Variants in PDZD2 observed in about 807,000 individuals in gnomAD.
PDZD2 encodes the protein PDZ domain-containing protein 2.
Under a neutral mutation model 220.7 loss-of-function variants are expected in PDZD2, and 90 were observed. The observed-to-expected ratio is 0.41, with a 90% CI of 0.34 to 0.49. The LOEUF (loss-of-function observed/expected upper bound fraction) is 0.49. PDZD2 is among the 20% of genes least tolerant of loss of function. The pLI is 0.28. For missense variants in PDZD2, 3,174 were observed against 3,608.5 expected (o/e 0.88, Z 3.08); for synonymous variants, 1,375 against 1,450.5 (o/e 0.95, Z 1.18).
chr5:31,705,689 T>C (rs1747791058), intron 1 of PDZD2, among the ~76,000 whole-genome samples: 1 of 152,164 alleles, frequency 6.6e-6, no homozygotes, highest in Non-Finnish European at 1.5e-5. Context: ...ATAAATATTT[T>C]AGAAATGGAA....
chr5:31,970,866 CA>C (rs1353300458), intron 2 of PDZD2, among the ~76,000 whole-genome samples: 2 of 152,154 alleles, frequency 1.3e-5, no homozygotes, highest in Non-Finnish European at 2.9e-5. Flanking sequence ...ACTTCACCAT[CA>C]ACATGCTGAC....
intron 6 of PDZD2, among the ~76,000 whole-genome samples, chr5:32,022,458 C>G (rs1484975836): frequency 1.3e-5 from 2 of 151,706 alleles, no homozygotes; most frequent in East Asian, 3.9e-4. Context: ...CTGCCTGCCT[C>G]GGCCTCCCAA....
chr5:31,856,869 G>C (rs924640525), intron 2 of PDZD2, among the ~76,000 whole-genome samples: 1 of 150,618 alleles, frequency 6.6e-6, no homozygotes, highest in African/African-American at 2.4e-5. Flanking sequence ...TTTCATTCCG[G>C]AATCAGACTT....
At chr5:31,982,243 G>A (rs1470394188) in intron 2 of PDZD2, among the ~76,000 whole-genome samples, 2 of 152,242 alleles carry the variant, frequency 1.3e-5, no homozygotes, top group African/African-American at 4.8e-5. Flanking sequence ...CAAGGCGTGA[G>A]CCTGATCCTC....
intron 1 of PDZD2, among the ~76,000 whole-genome samples, chr5:31,735,808 G>A (rs1749825532): frequency 6.6e-6 from 1 of 152,268 alleles, no homozygotes; most frequent in East Asian, 1.9e-4. Flanking sequence ...AGCTGGGCAC[G>A]GTAGCATGCG....
chr5:31,863,433 C>A (rs868316393), intron 2 of PDZD2, among the ~76,000 whole-genome samples: 12 of 152,164 alleles, frequency 7.9e-5, no homozygotes, highest in African/African-American at 2.9e-4. Context: ...GCGTGGTTTT[C>A]CAGGTGGTTT....
At chr5:31,858,905 G>A (rs1435203647) in intron 2 of PDZD2, among the ~76,000 whole-genome samples, 1 of 152,034 alleles carries the variant, frequency 6.6e-6, no homozygotes, top group African/African-American at 2.4e-5. Context: ...CTTTAGTAGA[G>A]TCGGGGTTTC....
At chr5:31,835,887 G>A (rs980367645) in intron 2 of PDZD2, among the ~76,000 whole-genome samples, 9 of 152,240 alleles carry the variant, frequency 5.9e-5, no homozygotes, top group Admixed American at 2.0e-4. Flanking sequence ...GAAAATGCAC[G>A]TCTTGGGTTT....
chr5:32,071,329 A>G (rs1056904568), intron 15 of PDZD2, 55 bp from the exon 16 acceptor site: 33 of 1,267,522 alleles, frequency 2.6e-5, no homozygotes, highest in Middle Eastern at 1.8e-4. Flanking sequence ...ATGTGAGCCT[A>G]TTTGTGACTT....
intron 2 of PDZD2, among the ~76,000 whole-genome samples, chr5:31,888,094 C>T (rs906428916): frequency 6.6e-6 from 1 of 152,108 alleles, no homozygotes; most frequent in African/African-American, 2.4e-5. Context: ...AGATATTGCC[C>T]ATAGAAGCTT....
In PDZD2 at chr5:32,090,962, C is replaced by T. The variant is rs202037375; in HGVS notation, c.7514C>T (p.Pro2505Leu). 9.4e-5 allele frequency: 152 copies of T among 1,613,848 alleles called. 1 individual carries two copies. The highest frequency in any genetic ancestry group is 1.1e-4 in the Non-Finnish European group (131 of 1,179,924). Residue 2505 changes from proline (P) to leucine (L), a missense_variant, in exon 20 of 25, where the codon CCG (proline) becomes CTG (leucine). By Grantham distance (98) the Pro-to-Leu change is moderately conservative. This residue lies in a region of PDZD2 where 631 missense variants were observed against 789.9 expected (regional missense o/e 0.80). Coordinates refer to ENST00000438447, the MANE Select transcript of PDZD2 (RefSeq NM_178140.4). This position sits in a 1 kb window ranked among gnomAD's most constrained non-coding sequence, Gnocchi z 4.3. ...KLCSEDYSAG[P>L]SAVLFKTELE... Reference sequence around the variant, plus strand: ...TGCAGCGAGGATTACTCAGCAGGGCCGAGCGCCGTGCTCTTCAAAACTGAG... The same window carrying T: ...TGCAGCGAGGATTACTCAGCAGGGCTGAGCGCCGTGCTCTTCAAAACTGAG...
Position 31,908,801 on chromosome 5 carries a change from T to C in PDZD2, c.477-74354T>C. On this transcript the variant is annotated intron_variant, in intron 2 of 24. Transcript: ENST00000438447. ...GGCTCACGCCTATAATCCCAGCACT[T>C]TGGGAGGCTGAGGCGGGAGGATCAC... 4.3e-6 allele frequency: 3 copies of C among 689,854 alleles called. No individual in the cohort carries two copies. The African/African-American group carries it at 5.4e-5, about 12-fold the overall frequency. The allele number at this position is 689,854 out of a possible 1,614,324, so 42.7% of individuals were successfully genotyped here.
At chr5:32,091,409 T>C (rs757196483) in intron 20 of PDZD2, among the ~76,000 whole-genome samples, 5 of 150,838 alleles carry the variant, frequency 3.3e-5, no homozygotes, top group African/African-American at 4.9e-5. Context: ...CTCAGCCTCC[T>C]GAGTAGCTGG....
intron 1 of PDZD2, among the ~76,000 whole-genome samples, chr5:31,728,037 C>T (rs1244327864): frequency 6.6e-6 from 1 of 151,240 alleles, no homozygotes; most frequent in Non-Finnish European, 1.5e-5. Context: ...GGCAGAAGAC[C>T]GTCGCTGACC....
chr5:32,110,704 C>G lies in PDZD2; in HGVS notation c.*2569C>G, dbSNP rs182341696. The G allele has an allele frequency of 3.3e-5, 5 of 152,708 alleles. No individual in the cohort carries two copies. The East Asian group carries it at 9.6e-4, about 29-fold the overall frequency. The allele number at this position is 152,708 out of a possible 1,614,324, so 9.5% of individuals were successfully genotyped here. A position where few individuals can be genotyped will look rare whatever the true frequency, so the allele number is the denominator to read the frequency against. Reference sequence around the variant, plus strand: ...TTCATTTCCATCTTCCCACACATCTCATTGAATTTGATGGTTGACTTAATT... The same window carrying G: ...TTCATTTCCATCTTCCCACACATCTGATTGAATTTGATGGTTGACTTAATT... On this transcript the variant is annotated 3_prime_UTR_variant, in exon 25 of 25. Transcript: ENST00000438447.
intron 1 of PDZD2, among the ~76,000 whole-genome samples, chr5:31,693,240 C>T (rs1432174653): frequency 1.1e-5 from 1 of 87,756 alleles, no homozygotes; most frequent in Non-Finnish European, 2.0e-5. Context: ...TGGGAAAGCA[C>T]TTTTTTTTTT....
chr5:31,776,397 T>G (rs1273766386), intron 1 of PDZD2, among the ~76,000 whole-genome samples: 1 of 152,200 alleles, frequency 6.6e-6, no homozygotes, highest in Non-Finnish European at 1.5e-5. Context: ...TCTCACTCAG[T>G]GCACAGACAT....
At position 32,088,590 on chromosome 5, in the gene PDZD2, A is replaced by G. The variant is rs1308998123; in HGVS notation, c.5142A>G (p.Val1714=). ...TGGAAAACAGTCCGCTGTCTAAAGT[A>G]GCCAGGCATTTTCACAGTCCGCCCA... ...SAMENSPLSK[V]ARHFHSPPII... is the part of the protein sequence containing the mutation. The change falls in exon 20 of 25, where the codon GTA becomes GTG. Residue 1714 remains valine, a synonymous_variant. Transcript: ENST00000438447. This position sits in a 1 kb window ranked among gnomAD's most constrained non-coding sequence, Gnocchi z 4.6. The G allele has an allele frequency of 6.2e-7, 1 of 1,614,200 alleles. No individual in the cohort carries two copies. The highest frequency in any genetic ancestry group is 1.1e-5 in the South Asian group (1 of 91,086).
At chr5:32,012,693 A>G (rs1753422279) in intron 6 of PDZD2, among the ~76,000 whole-genome samples, 1 of 151,892 alleles carries the variant, frequency 6.6e-6, no homozygotes, top group Non-Finnish European at 1.5e-5. Flanking sequence ...TGGCCCAAAA[A>G]AATTTCTTCA....
Sources: allele counts gnomAD v4.1 joint callset (sites outside exome capture counted in the v4.1 genomes callset), GRCh38; gene constraint gnomAD v4.1.1; regional missense constraint gnomAD v4.1.1; non-coding constraint Gnocchi (gnomAD v3.1); transcripts MANE v1.5; gene names NCBI Gene and HGNC (gene_info 2026-07-23, HGNC 2026-07-21).